The following MYLK variants were observed in gnomAD, a reference collection of about 807,000 sequenced individuals.
MYLK encodes myosin light chain kinase.
MYLK carries 106 observed loss-of-function variants against 203.4 expected under a neutral mutation model. The ratio of observed to expected loss-of-function variants is 0.52; its 90% confidence interval spans 0.45 to 0.61. The LOEUF is 0.61. Ranked by LOEUF, MYLK falls within the 20% of genes least tolerant of loss-of-function variation. The pLI is 0.00. For missense variants in MYLK, 2,072 were observed against 2,442.3 expected, an observed-to-expected ratio of 0.85 and a Z score of 3.20; for synonymous variants, 867 against 959.5, an observed-to-expected ratio of 0.90 and a Z score of 1.78.
chr3:123,877,595 G>C (rs938720341), intron 1 of MYLK, among the ~76,000 whole-genome samples: 1 of 152,194 alleles, frequency 6.6e-6, no homozygotes, highest in Admixed American at 6.5e-5. Flanking sequence ...AACATCAGTA[G>C]CAACTGCGTT....
intron 4 of MYLK, among the ~76,000 whole-genome samples, chr3:123,784,093 G>A (rs541995809): frequency 6.6e-6 from 1 of 152,314 alleles, no homozygotes; most frequent in African/African-American, 2.4e-5. Context: ...AGAAAAGCAA[G>A]GTCCTCACTG....
chr3:123,711,575 C>G (rs1192430095), intron 13 of MYLK, among the ~76,000 whole-genome samples: 1 of 152,222 alleles, frequency 6.6e-6, no homozygotes, highest in Non-Finnish European at 1.5e-5. Flanking sequence ...CCATCCACGT[C>G]TCACAGGGAA....
chr3:123,847,807 C>T (rs1171688280), intron 2 of MYLK, among the ~76,000 whole-genome samples: 2 of 152,010 alleles, frequency 1.3e-5, no homozygotes. Flanking sequence ...ATTTCATAAG[C>T]ATTTATATTT....
intron 24 of MYLK, 138 bp from the exon 25 acceptor site, chr3:123,649,332 T>A: frequency 1.8e-6 from 2 of 1,117,896 alleles, no homozygotes; most frequent in Non-Finnish European, 1.3e-6. Context: ...GCTCTGGGCA[T>A]CCCCTGGGGC....
At chr3:123,691,532 A>G (rs2060666320) in intron 19 of MYLK, 1 of 152,248 alleles carries the variant, frequency 6.6e-6, no homozygotes, top group African/African-American at 2.4e-5. Flanking sequence ...TTTTTATAAA[A>G]AAGACTTTCT....
At chr3:123,826,595 G>C (rs2066128868) in intron 3 of MYLK, among the ~76,000 whole-genome samples, 1 of 152,196 alleles carries the variant, frequency 6.6e-6, no homozygotes, top group Admixed American at 6.5e-5. Flanking sequence ...AGGCACACTA[G>C]GTTGGCCAAA....
chr3:123,801,176 T>C (rs1577018885), intron 3 of MYLK, among the ~76,000 whole-genome samples: 1 of 152,364 alleles, frequency 6.6e-6, no homozygotes, highest in East Asian at 1.9e-4. Context: ...AAAACTCCAC[T>C]GTACGCTTGA....
chr3:123,881,656 A>T (rs539659787), intron 1 of MYLK, among the ~76,000 whole-genome samples: 1 of 152,258 alleles, frequency 6.6e-6, no homozygotes, highest in South Asian at 2.1e-4. Flanking sequence ...ACCCCACCTT[A>T]TGAACTTCCT....
chr3:123,611,655 T>C lies in MYLK; in HGVS notation c.*2450A>G, dbSNP rs1435502439. 1 of 152,026 alleles carries C rather than the reference T, an allele frequency of 6.6e-6. No individual in the cohort carries two copies. The highest frequency in any genetic ancestry group is 1.9e-4 in the East Asian group (1 of 5,222). 9.4% of individuals were successfully genotyped at this position (152,026 alleles called of 1,614,324 possible). ...TGTATTGTGCATTTTATTTCTATTA[T>C]TATTACATTGTAATAATATATTTTA... On this transcript the variant is annotated 3_prime_UTR_variant, in exon 34 of 34. Transcript: ENST00000360304.
chr3:123,867,615 T>C (rs898551850), intron 2 of MYLK, among the ~76,000 whole-genome samples: 1 of 151,650 alleles, frequency 6.6e-6, no homozygotes, highest in Non-Finnish European at 1.5e-5. Flanking sequence ...GCCAGAAGAG[T>C]CAAGGAAGGA....
chr3:123,722,376 G>C, intron 12 of MYLK, 96 bp from the exon 13 acceptor site: 1 of 1,054,988 alleles, frequency 9.5e-7, no homozygotes, highest in Non-Finnish European at 1.3e-6. Context: ...ATGACGCTGA[G>C]ACTTGTCATG....
chr3:123,813,504 G>GTCTCTC (rs376497859), intron 3 of MYLK, among the ~76,000 whole-genome samples: 3 of 150,470 alleles, frequency 2.0e-5, no homozygotes, highest in Middle Eastern at 6.9e-3. Flanking sequence ...TTAATTCACT[G>GTCTCTC]TCTCTCTCTC....
chr3:123,632,517 C>G lies in MYLK; in HGVS notation c.4962-2891G>C, dbSNP rs1040381507. Among the ~76,000 whole-genome samples the G allele has an allele frequency of 4.6e-5, 7 of 152,140 alleles. No homozygotes were observed. In the South Asian group the frequency reaches 6.2e-4, roughly 14 times the overall value. On this transcript the variant is annotated intron_variant, in intron 29 of 33. Coordinates refer to ENST00000360304, the MANE Select transcript of MYLK (RefSeq NM_053025.4). ...CTCTGGGCACAGTCAGGGAGAGCCTCCTCGCCTCTGGCCTCTGGCACTCCT... is the reference window on the plus strand; with the variant it reads ...CTCTGGGCACAGTCAGGGAGAGCCTGCTCGCCTCTGGCCTCTGGCACTCCT...
At chr3:123,847,657 T>A (rs2030196417) in intron 2 of MYLK, among the ~76,000 whole-genome samples, 1 of 152,152 alleles carries the variant, frequency 6.6e-6, no homozygotes, top group Non-Finnish European at 1.5e-5. Context: ...GTTTTTTCTG[T>A]ATGTAATAGA....
At chr3:123,793,977 ACC>A in intron 3 of MYLK, 133 bp from the exon 4 acceptor site, 1 of 910,862 alleles carries the variant, frequency 1.1e-6, no homozygotes, top group Non-Finnish European at 1.7e-6. Context: ...GTCAGTGTCC[ACC>A]CACAGCTCCT....
intron 2 of MYLK, among the ~76,000 whole-genome samples, chr3:123,869,044 A>C (rs1449347864): frequency 6.6e-6 from 1 of 152,148 alleles, no homozygotes; most frequent in African/African-American, 2.4e-5. Flanking sequence ...TGAGCTCTCC[A>C]GTAAAAGCCT....
intron 4 of MYLK, among the ~76,000 whole-genome samples, chr3:123,783,066 T>C (rs545766402): frequency 2.0e-5 from 3 of 151,966 alleles, no homozygotes; most frequent in East Asian, 3.9e-4. Flanking sequence ...ATTTGCCACA[T>C]TGATGTGTTT....
intron 13 of MYLK, chr3:123,716,456 A>G (rs973806807): frequency 2.0e-5 from 3 of 152,190 alleles, no homozygotes; most frequent in Admixed American, 6.5e-5. Context: ...GCAAATGGGA[A>G]GAGAAGTGTG....
intron 1 of MYLK, among the ~76,000 whole-genome samples, chr3:123,877,904 G>A (rs932197625): frequency 2.0e-5 from 3 of 152,200 alleles, no homozygotes; most frequent in Non-Finnish European, 2.9e-5. Context: ...CTGGAAAGAT[G>A]CATAAAGCTC....
Sources: gnomAD v4.1 joint callset for allele counts (sites outside exome capture counted in the v4.1 genomes callset) on GRCh38, gnomAD v4.1.1 for gene constraint, MANE v1.5 for transcripts, NCBI Gene and HGNC (gene_info 2026-07-23, HGNC 2026-07-21) for gene names.